DCAF15: variants seen among roughly 807,000 people sequenced by gnomAD.
DCAF15 encodes the protein DDB1 and CUL4 associated factor 15, also known as DDB1- and CUL4-associated factor 15.
DCAF15 carries 24 observed loss-of-function variants against 68.0 expected under a neutral mutation model. The ratio of observed to expected loss-of-function variants is 0.35; its 90% CI spans 0.26 to 0.50. The LOEUF is 0.50. Ranked by LOEUF, DCAF15 falls within the 20% of genes least tolerant of loss-of-function variation. The pLI, the probability that DCAF15 is intolerant of heterozygous loss-of-function variation, is 0.98. For synonymous variants in DCAF15, 376 were observed against 341.6 expected (o/e 1.10, Z -1.11); for missense variants, 627 against 830.6 (o/e 0.75, Z 3.01).
chr19:13,960,820 C>A, intron 12 of DCAF15, 120 bp from the exon 13 acceptor site: 1 of 1,292,020 alleles, frequency 7.7e-7, no homozygotes. Flanking sequence ...AGGTGGAGGG[C>A]AACTCAGCAG....
At chr19:13,954,251 C>G in intron 1 of DCAF15, 89 bp from the exon 2 acceptor site, 3 of 1,152,302 alleles carry the variant, frequency 2.6e-6, no homozygotes, top group Non-Finnish European at 2.5e-6. Context: ...GGTCTGGACC[C>G]GGTGAGAGCC....
Position 13,956,501 on chromosome 19 carries a change from G to A in DCAF15, c.763G>A (p.Ala255Thr), listed in dbSNP as rs1332565964. ...LNTSYSLVAC[A>T]VSVHSAGDRS... The stretch of plus-strand genomic sequence containing the variant: ...CACCAGCTACTCCCTGGTGGCCTGC[G>A]CCGTCTCCGTCCACTCGGCAGGTAG... The change falls in exon 6 of 13, where the codon GCC becomes ACC. Residue 255 changes from alanine to threonine, a missense_variant. By Grantham distance (58) the Ala-to-Thr change is moderately conservative. Transcript: ENST00000254337. 1 of 1,613,258 alleles carries A rather than the reference G, an allele frequency of 6.2e-7. No homozygotes were observed. The highest frequency in any genetic ancestry group is 8.5e-7 in the Non-Finnish European group (1 of 1,180,016).
rs747877342 is a variant in DCAF15, at chr19:13,956,307, T to G, written c.613+45T>G. 23 of 1,610,376 alleles carry G rather than the reference T, an allele frequency of 1.4e-5. No individual in the cohort carries two copies. The East Asian group carries it at 4.2e-4, about 30-fold the overall frequency. ...GAGGGCCTCTTCCCCCCTCCCCCCC[T>G]TGCTCCGGGCCGAGAGTGAGCTGCT... is the stretch of plus-strand genomic sequence containing the variant. On this transcript the variant is annotated intron_variant, in intron 5 of 12. Coordinates refer to ENST00000254337, the MANE Select transcript of DCAF15 (RefSeq NM_138353.4).
Position 13,960,394 on chromosome 19 carries a change from G to A in DCAF15, c.1631+3G>A, listed in dbSNP as rs765768155. 8.7e-6 allele frequency: 14 copies of A among 1,613,774 alleles called. No homozygotes were observed. Among genetic ancestry groups the A allele is most frequent in the East Asian group, 4.5e-5 (2 of 44,888 alleles). ...ACTGAGGTCAAAGGGCAGACCAGGT[G>A]AGGCAGGGCTGGGGGGCAGGGTCAG... On this transcript the variant is annotated splice_donor_region_variant and intron_variant, in intron 11 of 12. Coordinates refer to ENST00000254337, the MANE Select transcript of DCAF15 (RefSeq NM_138353.4).
chr19:13,958,936 A>G, intron 6 of DCAF15, 109 bp from the exon 7 acceptor site: 1 of 1,354,070 alleles, frequency 7.4e-7, no homozygotes, highest in South Asian at 1.4e-5. Flanking sequence ...AGCATAGCCA[A>G]GTCTCCTAGA....
At chr19:13,958,978 C>T in intron 6 of DCAF15, 67 bp from the exon 7 acceptor site, 1 of 1,521,132 alleles carries the variant, frequency 6.6e-7, no homozygotes, top group Non-Finnish European at 8.8e-7. Flanking sequence ...TCTGAAAACC[C>T]CTGGGGACAC....
intron 3 of DCAF15, 97 bp downstream of exon 3, chr19:13,954,758 C>A: frequency 1.5e-6 from 2 of 1,300,974 alleles, no homozygotes; most frequent in South Asian, 1.3e-5. Flanking sequence ...GTAAAATGAT[C>A]ATCATGTACT....
chr19:13,958,691 C>T (rs1029572133), intron 6 of DCAF15, among the ~76,000 whole-genome samples: 2 of 152,050 alleles, frequency 1.3e-5, no homozygotes, highest in African/African-American at 4.8e-5. Flanking sequence ...AGATGTCCCT[C>T]GACAGAGTGG....
intron 1 of DCAF15, 52 bp downstream of exon 1, chr19:13,952,696 C>CGAGGGAGGCG (rs977857025): frequency 2.6e-5 from 25 of 946,226 alleles, no homozygotes; most frequent in Non-Finnish European, 3.0e-5. Flanking sequence ...GGAGTAGGGA[C>CGAGGGAGGCG]GAGGGAGGCG....
chr19:13,953,428 G>GCTGGGACAGTCTCCGCCCTTAGC (rs1973184480), intron 1 of DCAF15: 3 of 324,464 alleles, frequency 9.2e-6, no homozygotes, highest in Non-Finnish European at 1.7e-5. Flanking sequence ...AGCTCCCTGG[G>GCTGGGACAGTCTCCGCCCTTAGC]CTGGGACAGT....
Position 13,956,436 on chromosome 19 carries a change from C to T in DCAF15, c.698C>T (p.Pro233Leu), listed in dbSNP as rs781030860. The T allele has an allele frequency of 6.2e-7, 1 of 1,613,910 alleles. No homozygotes were observed. The change falls in exon 6 of 13, where the codon CCC becomes CTC. Residue 233 changes from proline to leucine, a missense_variant. Transcript: ENST00000254337. Reference sequence around the variant, plus strand: ...GTCTACCCCTTCCCCACCTTCCAGCCCGCCTTCCAGCTCAAGAAGGACCAG... The same window carrying T: ...GTCTACCCCTTCCCCACCTTCCAGCTCGCCTTCCAGCTCAAGAAGGACCAG... ...QVVYPFPTFQ[P>L]AFQLKKDQVV...
intron 6 of DCAF15, among the ~76,000 whole-genome samples, chr19:13,958,055 G>A (rs774777112): frequency 1.3e-5 from 2 of 152,108 alleles, no homozygotes; most frequent in Non-Finnish European, 2.9e-5. Context: ...AGACATATCT[G>A]GGGCTTTCTG....
rs780400480 is a variant in DCAF15 at position 13,960,037 on chromosome 19, C to A, written c.1494C>A (p.Ala498=). 10 of 1,613,872 alleles carry A rather than the reference C, an allele frequency of 6.2e-6. No homozygotes were observed. In the South Asian group the frequency reaches 8.8e-5, roughly 14 times the overall value. Reference sequence around the variant, plus strand: ...TCAACATTGGCCTGCTGCTCCTGGCCTTCCCGTCCCCCACTGAGGAGGGCC... The same window carrying A: ...TCAACATTGGCCTGCTGCTCCTGGCATTCCCGTCCCCCACTGAGGAGGGCC... The part of the protein sequence containing the change: ...VLINIGLLLL[A]FPSPTEEGQL... Residue 498 remains alanine, a synonymous_variant, in exon 10 of 13, where the codon GCC becomes GCA. Coordinates refer to ENST00000254337, the MANE Select transcript of DCAF15 (RefSeq NM_138353.4).
chr19:13,956,318 C>G, intron 5 of DCAF15, 34 bp from the exon 6 acceptor site: 4 of 1,612,144 alleles, frequency 2.5e-6, no homozygotes, highest in Non-Finnish European at 3.4e-6. Context: ...TGCTCCGGGC[C>G]GAGAGTGAGC....
In DCAF15 at chr19:13,954,553, C is replaced by T. The variant is rs142957694; in HGVS notation, c.258C>T (p.Cys86=). The T allele has an allele frequency of 2.3e-4, 372 of 1,614,074 alleles. No homozygotes were observed. The Middle Eastern group carries it at 3.0e-3, about 13-fold the overall frequency. The change falls in exon 3 of 13, where the codon TGC becomes TGT. Residue 86 remains cysteine, a synonymous_variant. Transcript: ENST00000254337. ...ATATCTTCCTGGGCTTTTCCAAATG[C>T]GGCCGCTACGTCCTCTCCTACACCA... The part of the protein sequence containing the change: ...AGHIFLGFSK[C]GRYVLSYTSS...
intron 6 of DCAF15, among the ~76,000 whole-genome samples, chr19:13,958,368 C>T (rs1242509191): frequency 6.6e-6 from 1 of 152,082 alleles, no homozygotes; most frequent in Non-Finnish European, 1.5e-5. Flanking sequence ...AGCCCGTACT[C>T]GATTTTTCTC....
At chr19:13,953,852 G>C (rs1212073428) in intron 1 of DCAF15, among the ~76,000 whole-genome samples, 115 of 152,162 alleles carry the variant, frequency 7.6e-4, no homozygotes, top group Non-Finnish European at 2.9e-5. Flanking sequence ...GCCTCGACTG[G>C]CCCCCAGCAG....
At chr19:13,958,037 CT>C (rs1405461139) in intron 6 of DCAF15, among the ~76,000 whole-genome samples, 3 of 152,194 alleles carry the variant, frequency 2.0e-5, no homozygotes, top group African/African-American at 4.8e-5. Context: ...CCAGGGCACT[CT>C]GTCCCCAGAC....
chr19:13,959,270 G>T lies in DCAF15; in HGVS notation c.1010G>T (p.Gly337Val). The change falls in exon 7 of 13, where the codon GGG becomes GTG. Residue 337 changes from glycine (G) to valine (V), a missense_variant. Gly to Val is a moderately radical substitution (Grantham distance 109). Coordinates refer to ENST00000254337, the MANE Select transcript of DCAF15 (RefSeq NM_138353.4). ...IFRRAKEAKG[G>V]VPEEARPALC... ...CGCCGGGCCAAAGAGGCCAAGGGCG[G>T]GGTCCCTGAGGAAGCCCGGCCTGCC... is the stretch of plus-strand genomic sequence containing the variant. The T allele has an allele frequency of 6.2e-7, 1 of 1,611,564 alleles. No individual in the cohort carries two copies. The highest frequency in any genetic ancestry group is 1.1e-5 in the South Asian group (1 of 91,082).
Sources: allele counts gnomAD v4.1 joint callset (sites outside exome capture counted in the v4.1 genomes callset), GRCh38; gene constraint gnomAD v4.1.1; transcripts MANE v1.5; gene names NCBI Gene and HGNC (gene_info 2026-07-23, HGNC 2026-07-21).